The following NCOA5 variants were observed in gnomAD, a reference collection of about 807,000 sequenced individuals.
NCOA5 encodes the protein nuclear receptor coactivator 5.
Under a neutral mutation model 59.0 loss-of-function variants are expected in NCOA5, and 12 were observed. That is an observed-to-expected ratio of 0.20 (90% CI 0.13 to 0.33). The LOEUF is 0.33. Among genes scored for constraint, NCOA5 ranks in the 10% least tolerant of loss-of-function variants. The pLI, the probability that NCOA5 is intolerant of heterozygous loss-of-function variation, is 1.00. For synonymous variants in NCOA5, 270 were observed against 275.5 expected, an observed-to-expected ratio of 0.98 and a Z score of 0.20; for missense variants, 655 against 766.6, an observed-to-expected ratio of 0.85 and a Z score of 1.72.
intron 5 of NCOA5, among the ~76,000 whole-genome samples, chr20:46,065,781 C>T (rs1415573623): frequency 1.3e-5 from 2 of 152,202 alleles, no homozygotes; most frequent in East Asian, 1.9e-4. Flanking sequence ...GGACTCATCA[C>T]CTGTATGCTT....
intron 6 of NCOA5, 45 bp from the exon 7 acceptor site, chr20:46,063,725 T>G: frequency 6.4e-7 from 1 of 1,563,876 alleles, no homozygotes. Context: ...ATGACATATT[T>G]AAGTGCCCAC....
At chr20:46,081,551 TA>T (rs2084992274) in intron 1 of NCOA5, among the ~76,000 whole-genome samples, 1 of 152,160 alleles carries the variant, frequency 6.6e-6, no homozygotes, top group Admixed American at 6.5e-5. Flanking sequence ...ATTTTGATTG[TA>T]ATTTGCCTCG....
At chr20:46,084,126 T>G (rs1355650716) in intron 1 of NCOA5, among the ~76,000 whole-genome samples, 2 of 152,218 alleles carry the variant, frequency 1.3e-5, no homozygotes, top group African/African-American at 4.8e-5. Flanking sequence ...CTAAGAACAT[T>G]ATGTGTATTA....
rs143618553 is a variant in NCOA5 at position 46,062,679 on chromosome 20, G to A, written c.1361C>T (p.Ser454Leu). 2.8e-5 allele frequency: 46 copies of A among 1,614,072 alleles called. No homozygotes were observed. Among genetic ancestry groups the A allele is most frequent in the Non-Finnish European group, 3.5e-5 (41 of 1,180,038 alleles). The change falls in exon 8 of 8, where the codon TCG becomes TTG. Residue 454 changes from serine to leucine, a missense_variant. By Grantham distance (145) the Ser-to-Leu change is moderately radical. Coordinates refer to ENST00000290231, the MANE Select transcript of NCOA5 (RefSeq NM_020967.3). ...VTANSSSASP[S>L]VAAGNTPNQN... Reference sequence around the variant, plus strand: ...GTTTGGGGTGTTTCCGGCAGCAACCGAGGGGGATGCAGAGCTGCTATTGGC... The same window carrying A: ...GTTTGGGGTGTTTCCGGCAGCAACCAAGGGGGATGCAGAGCTGCTATTGGC...
At chr20:46,077,151 C>T (rs1476479484) in intron 2 of NCOA5, among the ~76,000 whole-genome samples, 1 of 152,180 alleles carries the variant, frequency 6.6e-6, no homozygotes, top group East Asian at 1.9e-4. Context: ...CTCAAGTGAT[C>T]CGCCCACCTC....
chr20:46,073,655 TATC>T (rs1343526912), intron 2 of NCOA5, among the ~76,000 whole-genome samples: 6 of 152,296 alleles, frequency 3.9e-5, no homozygotes, highest in Middle Eastern at 3.4e-3. Flanking sequence ...AGGGCTGAGA[TATC>T]ATGATCCTGA....
rs560730853 is a variant in NCOA5 at position 46,085,795 on chromosome 20, T to C, written c.-30+4022A>G. Among the ~76,000 whole-genome samples the C allele has an allele frequency of 3.3e-5, 5 of 152,268 alleles. No individual in the cohort carries two copies. The South Asian group carries it at 1.0e-3, about 32-fold the overall frequency. ...AAGAATCTAGTGGCTAGAGGGTCTA[T>C]TGGGGGCTATAAACTGAACTACCAC... On this transcript the variant is annotated intron_variant, in intron 1 of 7. Coordinates refer to ENST00000290231, the MANE Select transcript of NCOA5 (RefSeq NM_020967.3).
intron 1 of NCOA5, among the ~76,000 whole-genome samples, chr20:46,088,875 G>A (rs992548158): frequency 2.6e-5 from 4 of 152,204 alleles, no homozygotes; most frequent in African/African-American, 7.2e-5. Context: ...GGAGGAACAA[G>A]GACGCACTGT....
chr20:46,074,121 GTTC>G (rs1418527195), intron 2 of NCOA5, among the ~76,000 whole-genome samples: 6 of 152,184 alleles, frequency 3.9e-5, no homozygotes, highest in East Asian at 1.9e-4. Flanking sequence ...GTAGACTGCT[GTTC>G]TTCTGGAGAC....
rs569092576 is a variant in NCOA5 at position 46,063,652 on chromosome 20, G to A, written c.858C>T (p.Ala286=). ...CATAATTTCTGGCCACCAGCACCAT[G>A]GCATCTGCTTGGGGCATGTTGCGAT... ...QEHRNMPQAD[A]MVLVARNYER... is the part of the protein sequence containing the mutation. Residue 286 remains alanine (A), a synonymous_variant, in exon 7 of 8, where the codon GCC becomes GCT. Coordinates refer to ENST00000290231, the MANE Select transcript of NCOA5 (RefSeq NM_020967.3). 23 of 1,613,846 alleles carry A rather than the reference G, an allele frequency of 1.4e-5. No individual in the cohort carries two copies. The highest frequency in any genetic ancestry group is 1.9e-5 in the Non-Finnish European group (22 of 1,180,038).
intron 1 of NCOA5, among the ~76,000 whole-genome samples, chr20:46,086,562 G>A (rs1003110424): frequency 6.6e-6 from 1 of 152,160 alleles, no homozygotes; most frequent in Admixed American, 6.5e-5. Context: ...TCTCATTAAT[G>A]AGAGTAACAT....
At position 46,062,701 on chromosome 20, in the gene NCOA5, T is replaced by C; in HGVS notation, c.1339A>G (p.Asn447Asp). 1.2e-6 allele frequency: 2 copies of C among 1,614,068 alleles called. No individual in the cohort carries two copies. Among genetic ancestry groups the C allele is most frequent in the Admixed American group, 3.3e-5 (2 of 60,024 alleles). ...SLFNSGTVTA[N>D]SSSASPSVAA... ...ACCGAGGGGGATGCAGAGCTGCTAT[T>C]GGCCGTCACTGTGCCACTATTGAAG... is the stretch of plus-strand genomic sequence containing the variant. Residue 447 changes from asparagine to aspartate, a missense_variant, in exon 8 of 8, where the codon AAT becomes GAT. Asn to Asp is a conservative substitution (Grantham distance 23). Transcript: ENST00000290231.
intron 5 of NCOA5, among the ~76,000 whole-genome samples, chr20:46,066,678 TGCTAA>T (rs1447722447): frequency 1.3e-5 from 2 of 152,156 alleles, no homozygotes; most frequent in African/African-American, 4.8e-5. Context: ...CCACTTGGCT[TGCTAA>T]GCTAAGAAGA....
At chr20:46,068,817 G>C (rs1337375265) in intron 3 of NCOA5, among the ~76,000 whole-genome samples, 179 bp from the exon 4 acceptor site, 1 of 152,208 alleles carries the variant, frequency 6.6e-6, no homozygotes, top group Non-Finnish European at 1.5e-5. Flanking sequence ...AAAGCACTTA[G>C]CATGGTCTTT....
In NCOA5 at chr20:46,070,648, C is replaced by T; in HGVS notation, c.39-112G>A. On this transcript the variant is annotated intron_variant, in intron 2 of 7. Coordinates refer to ENST00000290231, the MANE Select transcript of NCOA5 (RefSeq NM_020967.3). ...CCAAGCATTCTTCTCTAAAACAGGG[C>T]AGCCAAACAGAACATGACTCAACAT... is the stretch of plus-strand genomic sequence containing the variant. 8 of 963,924 alleles carry T rather than the reference C, an allele frequency of 8.3e-6. 1 individual carries two copies. Among genetic ancestry groups the T allele is most frequent in the South Asian group, 6.2e-5 (4 of 64,538 alleles). The allele number at this position is 963,924 out of a possible 1,614,324, so 59.7% of individuals were successfully genotyped here.
intron 1 of NCOA5, among the ~76,000 whole-genome samples, chr20:46,087,355 G>C (rs2085055424): frequency 6.6e-6 from 1 of 152,282 alleles, no homozygotes. Context: ...ATTACACAAA[G>C]GCACTGCCAT....
chr20:46,073,185 A>C (rs16985456), intron 2 of NCOA5, among the ~76,000 whole-genome samples: 5,332 of 151,868 alleles, frequency 0.035, 102 homozygotes, highest in Middle Eastern at 0.11. Flanking sequence ...TTTGTCGTCT[A>C]CCATGGTTAC....
intron 2 of NCOA5, among the ~76,000 whole-genome samples, chr20:46,073,479 T>C (rs1198308495): frequency 3.9e-5 from 6 of 152,204 alleles, no homozygotes; most frequent in Non-Finnish European, 4.4e-5. Flanking sequence ...CTTCCTAACA[T>C]GTAACATCTG....
chr20:46,081,802 G>C (rs1035054121), intron 1 of NCOA5, among the ~76,000 whole-genome samples: 18 of 150,338 alleles, frequency 1.2e-4, no homozygotes, highest in African/African-American at 4.4e-4. Context: ...TAATAGAATT[G>C]CTCAGATTAG....
Sources: gnomAD v4.1 joint callset for allele counts (sites outside exome capture counted in the v4.1 genomes callset) on GRCh38, gnomAD v4.1.1 for gene constraint, MANE v1.5 for transcripts, NCBI Gene and HGNC (gene_info 2026-07-23, HGNC 2026-07-21) for gene names.